IL15: variants seen among roughly 807,000 people sequenced by gnomAD.
IL15 encodes the protein interleukin 15.
Under a neutral mutation model 19.6 loss-of-function variants are expected in IL15, and 11 were observed. The ratio of observed to expected loss-of-function variants is 0.56; its 90% CI spans 0.35 to 0.93. The LOEUF (loss-of-function observed/expected upper bound fraction) is 0.93, where lower values mean the gene tolerates loss of function less well. Ranked by LOEUF, IL15 falls within the 40% of genes least tolerant of loss-of-function variation. The probability of loss-of-function intolerance (pLI) is 0.01; values close to 1 mark genes in which losing one functional copy is unlikely to be tolerated. For synonymous variants in IL15, 58 were observed against 59.6 expected (o/e 0.97, Z 0.12); for missense variants, 197 against 186.5 (o/e 1.06, Z -0.33).
rs535341302 is a variant in IL15, at chr4:141,733,418, T to C, written c.*570T>C. 6.6e-6 allele frequency: 1 copy of C among 152,344 alleles called. No homozygotes were observed. Among genetic ancestry groups the C allele is most frequent in the East Asian group, 1.9e-4 (1 of 5,198 alleles). The allele number at this position is 152,344 out of a possible 1,614,324, so 9.4% of individuals were successfully genotyped here. ...ATACTGTAATTTAGTTATTGATGTA[T>C]AAAGCAACTGTTATGAAATAAAGAA... On this transcript the variant is annotated 3_prime_UTR_variant, in exon 8 of 8. Transcript: ENST00000320650.
At chr4:141,692,093 T>C (rs1579024973) in intron 2 of IL15, among the ~76,000 whole-genome samples, 1 of 152,346 alleles carries the variant, frequency 6.6e-6, no homozygotes, top group Non-Finnish European at 1.5e-5. Flanking sequence ...CCAAACACCA[T>C]GTGGAAACCA....
At chr4:141,721,232 T>G (rs1730064938) in intron 4 of IL15, 1 of 767,154 alleles carries the variant, frequency 1.3e-6, no homozygotes, top group African/African-American at 1.7e-5. Flanking sequence ...CTGTGTAAGA[T>G]CCATCAGGAA....
chr4:141,690,140 C>G (rs901380868), intron 2 of IL15, among the ~76,000 whole-genome samples: 2 of 152,292 alleles, frequency 1.3e-5, no homozygotes, highest in East Asian at 3.9e-4. Context: ...CACGGCCAGC[C>G]GTCTGCTCCG....
intron 2 of IL15, among the ~76,000 whole-genome samples, chr4:141,659,052 G>A (rs7673004): frequency 0.04 from 6,082 of 151,826 alleles, 407 homozygotes; most frequent in African/African-American, 0.14. Context: ...TAGTAGAGAC[G>A]GGGTTTCACC....
At chr4:141,679,085 C>T (rs1728452428) in intron 2 of IL15, among the ~76,000 whole-genome samples, 1 of 152,092 alleles carries the variant, frequency 6.6e-6, no homozygotes, top group Admixed American at 6.6e-5. Context: ...GACAGCCTCC[C>T]AGATTACAAC....
intron 2 of IL15, among the ~76,000 whole-genome samples, chr4:141,662,847 A>G (rs1727838153): frequency 6.6e-6 from 1 of 152,174 alleles, no homozygotes; most frequent in Admixed American, 6.5e-5. Context: ...TTGCAGTTTG[A>G]TTTAAACCCT....
chr4:141,714,495 C>T (rs1607595), intron 2 of IL15, among the ~76,000 whole-genome samples: 22,520 of 152,168 alleles, frequency 0.15, 1,864 homozygotes, highest in African/African-American at 0.22. Context: ...GCACTAGCAT[C>T]TTAAAAACCT....
At chr4:141,679,836 A>G (rs77301642) in intron 2 of IL15, among the ~76,000 whole-genome samples, 2,967 of 152,340 alleles carry the variant, frequency 0.019, 36 homozygotes, top group African/African-American at 0.025. Flanking sequence ...CAAAGCATCT[A>G]CATATTTTAA....
intron 2 of IL15, among the ~76,000 whole-genome samples, chr4:141,707,329 A>G (rs1004767857): frequency 6.6e-6 from 1 of 152,114 alleles, no homozygotes; most frequent in East Asian, 1.9e-4. Context: ...TCTGTGTTCT[A>G]TTGTATCTCA....
At chr4:141,709,500 G>A (rs1023005118) in intron 2 of IL15, among the ~76,000 whole-genome samples, 4 of 152,112 alleles carry the variant, frequency 2.6e-5, no homozygotes, top group Non-Finnish European at 5.9e-5. Flanking sequence ...TAAGCCATTG[G>A]TATTTTGAAG....
In IL15 at chr4:141,680,165, G is replaced by A. The variant is rs1430547400; in HGVS notation, c.-100+23858G>A. Among the ~76,000 whole-genome samples the A allele has an allele frequency of 2.6e-5, 4 of 152,220 alleles. No homozygotes were observed. The South Asian group carries it at 6.2e-4, about 24-fold the overall frequency. ...TTTTACCTTGCCATCCTGTCAGTACGTGGCTTCATAAAGCTGTAGGATTCT... is the reference window on the plus strand; with the variant it reads ...TTTTACCTTGCCATCCTGTCAGTACATGGCTTCATAAAGCTGTAGGATTCT... On this transcript the variant is annotated intron_variant, in intron 2 of 7. Transcript: ENST00000320650.
At chr4:141,686,470 A>G (rs909081269) in intron 2 of IL15, among the ~76,000 whole-genome samples, 10 of 152,200 alleles carry the variant, frequency 6.6e-5, no homozygotes, top group Non-Finnish European at 1.5e-5. Context: ...GTGAGACCAC[A>G]TGTTCAAATC....
At chr4:141,676,774 G>GAA (rs796511038) in intron 2 of IL15, among the ~76,000 whole-genome samples, 2,986 of 127,778 alleles carry the variant, frequency 0.023, 104 homozygotes, top group African/African-American at 0.079. Context: ...AGGTATGGCA[G>GAA]AAAAAAAAAA....
intron 2 of IL15, among the ~76,000 whole-genome samples, chr4:141,689,202 A>G (rs1176069765): frequency 2.6e-5 from 4 of 152,160 alleles, no homozygotes; most frequent in Non-Finnish European, 5.9e-5. Context: ...GATTAATTGC[A>G]AAGAGCAAAA....
intron 1 of IL15, among the ~76,000 whole-genome samples, chr4:141,653,282 G>A (rs1182357611): frequency 6.6e-6 from 1 of 152,076 alleles, no homozygotes; most frequent in African/African-American, 2.4e-5. Flanking sequence ...CTTCTAAGCA[G>A]CTTTATGGAG....
intron 2 of IL15, among the ~76,000 whole-genome samples, chr4:141,708,733 G>A (rs1729606920): frequency 1.3e-5 from 2 of 152,064 alleles, no homozygotes; most frequent in African/African-American, 4.8e-5. Context: ...CAGGGATGTT[G>A]CCACTGCCAG....
chr4:141,695,102 C>G (rs3113914), intron 2 of IL15, among the ~76,000 whole-genome samples: 26,489 of 151,440 alleles, frequency 0.17, 2,826 homozygotes, highest in African/African-American at 0.3. Context: ...CCCAATTTAT[C>G]TTCTCCCCAC....
intron 2 of IL15, among the ~76,000 whole-genome samples, chr4:141,695,284 T>TC (rs1729055948): frequency 6.8e-6 from 1 of 146,258 alleles, no homozygotes. Flanking sequence ...TTTTTTTTTT[T>TC]TTTTTTTTTT....
intron 1 of IL15, among the ~76,000 whole-genome samples, chr4:141,653,858 C>G (rs1479552655): frequency 1.3e-5 from 2 of 152,144 alleles, no homozygotes; most frequent in Non-Finnish European, 1.5e-5. Context: ...GAACACAAGT[C>G]TCATGAGATG....
Sources: allele counts gnomAD v4.1 joint callset (sites outside exome capture counted in the v4.1 genomes callset), GRCh38; gene constraint gnomAD v4.1.1; transcripts MANE v1.5; gene names NCBI Gene and HGNC (gene_info 2026-07-23, HGNC 2026-07-21).